Variants in TEX13D observed in about 807,000 individuals in gnomAD.
The protein encoded by TEX13D is testis-expressed protein 13D.
For missense variants in TEX13D, 261 were observed against 265.8 expected (o/e 0.98, Z 0.12); for synonymous variants, 115 against 104.5 (o/e 1.10, Z -0.61).
chrX:124,333,228 C>T lies in TEX13D; in HGVS notation c.311C>T (p.Ser104Phe). 4.3e-6 allele frequency: 2 copies of T among 468,034 alleles called. No homozygotes were observed. Among genetic ancestry groups the T allele is most frequent in the Non-Finnish European group, 7.5e-6 (2 of 266,590 alleles). 38.6% of individuals were successfully genotyped at this position (468,034 alleles called of 1,213,427 possible). A position where few individuals can be genotyped will look rare whatever the true frequency, so the allele number is the denominator to read the frequency against. The change falls in exon 1 of 1, where the codon TCC becomes TTC. Residue 104 changes from serine to phenylalanine, a missense_variant. Transcript: ENST00000632372. ...CATGCGGAGGAGCGCCAGGCGACCTCCTGGGCTCTAACGTCCCAGCTGCAG... is the reference window on the plus strand; with the variant it reads ...CATGCGGAGGAGCGCCAGGCGACCTTCTGGGCTCTAACGTCCCAGCTGCAG... The part of the protein sequence containing the change: ...QRHAEERQAT[S>F]WALTSQLQQL...
chrX:124,334,000 G>A lies in TEX13D; in HGVS notation c.1083G>A (p.Gly361=). The A allele has an allele frequency of 1.1e-6, 1 of 931,929 alleles. No individual in the cohort carries two copies. Among genetic ancestry groups the A allele is most frequent in the African/African-American group, 2.0e-5 (1 of 49,036 alleles). 76.8% of individuals were successfully genotyped at this position (931,929 alleles called of 1,213,427 possible). ...SQEEGTEGPQ[G]MDPLGNRERQ... ...AAGAAGGTACAGAAGGACCCCAGGGGATGGATCCCCTGGGGAACAGAGAGA... is the reference window on the plus strand; with the variant it reads ...AAGAAGGTACAGAAGGACCCCAGGGAATGGATCCCCTGGGGAACAGAGAGA... The change falls in exon 1 of 1, where the codon GGG becomes GGA. Residue 361 remains glycine (G), a synonymous_variant. Coordinates refer to ENST00000632372, the MANE Select transcript of TEX13D (RefSeq NM_001355534.2).
rs1156259410 is a variant in TEX13D at position 124,335,896 on chromosome X, G to A, written c.*834G>A. ...GAATTGAATTTTTCCACTGGGACAA[G>A]GAATTAACTTGGAAGAGTTTGGGGG... On this transcript the variant is annotated 3_prime_UTR_variant, in exon 1 of 1. Transcript: ENST00000632372. 2 of 112,472 alleles carry A rather than the reference G, an allele frequency of 1.8e-5. No homozygotes were observed. The allele number at this position is 112,472 out of a possible 1,213,427, so 9.3% of individuals were successfully genotyped here. A position where few individuals can be genotyped will look rare whatever the true frequency, so the allele number is the denominator to read the frequency against.
In TEX13D at chrX:124,333,146, C is replaced by T. The variant is rs1417233970; in HGVS notation, c.229C>T (p.Arg77Ter). ...CTWSALALSV[R>*]VATRQREELL... Reference sequence around the variant, plus strand: ...CTGGAGCGCTTTGGCTTTGAGCGTGCGAGTGGCCACGAGGCAGCGGGAGGA... The same window carrying T: ...CTGGAGCGCTTTGGCTTTGAGCGTGTGAGTGGCCACGAGGCAGCGGGAGGA... Residue 77 changes from arginine (R) to a stop codon, truncating the protein, a stop_gained, in exon 1 of 1, where the codon CGA becomes TGA. Transcript: ENST00000632372. LOFTEE classifies it low-confidence loss of function (END_TRUNC). 6.8e-6 allele frequency: 3 copies of T among 443,353 alleles called. No individual in the cohort carries two copies. The highest frequency in any genetic ancestry group is 8.1e-5 in the East Asian group (2 of 24,584). The allele number at this position is 443,353 out of a possible 1,213,427, so 36.5% of individuals were successfully genotyped here. A position where few individuals can be genotyped will look rare whatever the true frequency, so the allele number is the denominator to read the frequency against.
At position 124,333,321 on chromosome X, in the gene TEX13D, C is replaced by T. The variant is rs1028898295; in HGVS notation, c.404C>T (p.Ala135Val). Residue 135 changes from alanine (A) to valine (V), a missense_variant, in exon 1 of 1, where the codon GCG becomes GTG. Physicochemically the swap from Ala to Val is moderately conservative, Grantham distance 64. Transcript: ENST00000632372. ...CTCGCGCAGGCTGCCCTGCAGCAGG[C>T]GCTGAATGAGCGTGATGGGCTGTAC... ...LHLAQAALQQALNERDGLYGR... is the reference protein window; with the variant it reads ...LHLAQAALQQVLNERDGLYGR... 13 of 409,858 alleles carry T rather than the reference C, an allele frequency of 3.2e-5. No individual in the cohort carries two copies. Among genetic ancestry groups the T allele is most frequent in the South Asian group, 8.4e-5 (2 of 23,785 alleles). 33.8% of individuals were successfully genotyped at this position (409,858 alleles called of 1,213,427 possible).
Position 124,333,342 on chromosome X carries a change from T to C in TEX13D, c.425T>C (p.Leu142Pro), listed in dbSNP as rs2059965935. 2.7e-6 allele frequency: 1 copy of C among 373,546 alleles called. No individual in the cohort carries two copies. Among genetic ancestry groups the C allele is most frequent in the Non-Finnish European group, 4.6e-6 (1 of 218,163 alleles). The allele number at this position is 373,546 out of a possible 1,213,427, so 30.8% of individuals were successfully genotyped here. The change falls in exon 1 of 1, where the codon CTG becomes CCG. Residue 142 changes from leucine (L) to proline (P), a missense_variant. Leu to Pro is a moderately conservative substitution (Grantham distance 98, BLOSUM62 -3). Coordinates refer to ENST00000632372, the MANE Select transcript of TEX13D (RefSeq NM_001355534.2). ...LQQALNERDGLYGRLLQIERF... is the reference protein window; with the variant it reads ...LQQALNERDGPYGRLLQIERF... ...CAGGCGCTGAATGAGCGTGATGGGC[T>C]GTACGGGAGGCTGCTCCAGATCGAG...
At position 124,333,930 on chromosome X, in the gene TEX13D, C is replaced by T. The variant is rs990915069; in HGVS notation, c.1013C>T (p.Pro338Leu). The change falls in exon 1 of 1, where the codon CCC (proline) becomes CTC (leucine). Residue 338 changes from proline (P) to leucine (L), a missense_variant. Transcript: ENST00000632372. The part of the protein sequence containing the change: ...SGCHNPLSES[P>L]QGTAPLGSSG... ...TGCCACAACCCGCTGTCAGAGAGTCCCCAGGGGACAGCCCCACTGGGGAGC... is the reference window on the plus strand; with the variant it reads ...TGCCACAACCCGCTGTCAGAGAGTCTCCAGGGGACAGCCCCACTGGGGAGC... 1.5e-5 allele frequency: 9 copies of T among 615,177 alleles called. No individual in the cohort carries two copies. Among genetic ancestry groups the T allele is most frequent in the Non-Finnish European group, 1.7e-5 (8 of 463,748 alleles). The allele number at this position is 615,177 out of a possible 1,213,427, so 50.7% of individuals were successfully genotyped here. A position where few individuals can be genotyped will look rare whatever the true frequency, so the allele number is the denominator to read the frequency against.
rs1369497354 is a variant in TEX13D at position 124,333,891 on chromosome X, C to T, written c.974C>T (p.Pro325Leu). 3 of 348,637 alleles carry T rather than the reference C, an allele frequency of 8.6e-6. No homozygotes were observed. The highest frequency in any genetic ancestry group is 1.4e-5 in the Non-Finnish European group (3 of 220,076). The allele number at this position is 348,637 out of a possible 1,213,427, so 28.7% of individuals were successfully genotyped here. A position where few individuals can be genotyped will look rare whatever the true frequency, so the allele number is the denominator to read the frequency against. Residue 325 changes from proline (P) to leucine (L), a missense_variant, in exon 1 of 1, where the codon CCC (proline) becomes CTC (leucine). Coordinates refer to ENST00000632372, the MANE Select transcript of TEX13D (RefSeq NM_001355534.2). Reference sequence around the variant, plus strand: ...GAGAGGTCCCAAAGAATGCCCCTCCCCGGGGACAGTGGGTGCCACAACCCG... The same window carrying T: ...GAGAGGTCCCAAAGAATGCCCCTCCTCGGGGACAGTGGGTGCCACAACCCG... ...GSERSQRMPL[P>L]GDSGCHNPLS...
At position 124,333,139 on chromosome X, in the gene TEX13D, G is replaced by C; in HGVS notation, c.222G>C (p.Leu74Phe). Residue 74 changes from leucine to phenylalanine, a missense_variant, in exon 1 of 1, where the codon TTG (leucine) becomes TTC (phenylalanine). By Grantham distance (22) the Leu-to-Phe change is conservative. Coordinates refer to ENST00000632372, the MANE Select transcript of TEX13D (RefSeq NM_001355534.2). ...CCTGTACCTGGAGCGCTTTGGCTTT[G>C]AGCGTGCGAGTGGCCACGAGGCAGC... ...KRACTWSALA[L>F]SVRVATRQRE... The C allele has an allele frequency of 4.5e-6, 2 of 443,909 alleles. No homozygotes were observed. Among genetic ancestry groups the C allele is most frequent in the Non-Finnish European group, 7.8e-6 (2 of 254,937 alleles). The allele number at this position is 443,909 out of a possible 1,213,427, so 36.6% of individuals were successfully genotyped here.
rs1312067613 is a variant in TEX13D, at chrX:124,333,050, G to A, written c.133G>A (p.Glu45Lys). The A allele has an allele frequency of 1.0e-5, 5 of 483,041 alleles. No individual in the cohort carries two copies. The highest frequency in any genetic ancestry group is 9.4e-5 in the African/African-American group (4 of 42,403). The allele number at this position is 483,041 out of a possible 1,213,427, so 39.8% of individuals were successfully genotyped here. A position where few individuals can be genotyped will look rare whatever the true frequency, so the allele number is the denominator to read the frequency against. ...GGCCTTCCGCTCGCGGCCGTGGAACGAGGTAGAGGACAGCCTTCAGGCCAT... is the reference window on the plus strand; with the variant it reads ...GGCCTTCCGCTCGCGGCCGTGGAACAAGGTAGAGGACAGCCTTCAGGCCAT... Reference protein sequence around the residue: ...YVAFRSRPWNEVEDSLQAIVA... With the variant: ...YVAFRSRPWNKVEDSLQAIVA... Residue 45 changes from glutamate (E) to lysine (K), a missense_variant, in exon 1 of 1, where the codon GAG (glutamate) becomes AAG (lysine). Coordinates refer to ENST00000632372, the MANE Select transcript of TEX13D (RefSeq NM_001355534.2).
At position 124,334,892 on chromosome X, in the gene TEX13D, A is replaced by T. The variant is rs186137224; in HGVS notation, c.1975A>T (p.Lys659Ter). 77 of 938,074 alleles carry T rather than the reference A, an allele frequency of 8.2e-5. No homozygotes were observed. In the African/African-American group the frequency reaches 1.4e-3, roughly 18 times the overall value. 77.3% of individuals were successfully genotyped at this position (938,074 alleles called of 1,213,427 possible). A position where few individuals can be genotyped will look rare whatever the true frequency, so the allele number is the denominator to read the frequency against. Residue 659 changes from lysine (K) to a stop codon, truncating the protein, a stop_gained, in exon 1 of 1, where the codon AAA (lysine) becomes TAA (stop). Coordinates refer to ENST00000632372, the MANE Select transcript of TEX13D (RefSeq NM_001355534.2). LOFTEE classifies it low-confidence loss of function (END_TRUNC). ...QPQRQKAKKP[K>*]VNKVSGSQQQ... ...TCAGAGGCAGAAGGCCAAGAAACCA[A>T]AAGTGAATAAAGTCTCGGGATCCCA...
At position 124,333,285 on chromosome X, in the gene TEX13D, C is replaced by T; in HGVS notation, c.368C>T (p.Thr123Ile). 1 of 428,424 alleles carries T rather than the reference C, an allele frequency of 2.3e-6. No homozygotes were observed. The highest frequency in any genetic ancestry group is 4.0e-6 in the Non-Finnish European group (1 of 248,174). 35.3% of individuals were successfully genotyped at this position (428,424 alleles called of 1,213,427 possible). ...CGCCTGGAGCATGAGGTGGCGGCAA[C>T]ACAGCTGCACCTCGCGCAGGCTGCC... is the stretch of plus-strand genomic sequence containing the variant. ...QLRLEHEVAA[T>I]QLHLAQAALQ... The change falls in exon 1 of 1, where the codon ACA (threonine) becomes ATA (isoleucine). Residue 123 changes from threonine (T) to isoleucine (I), a missense_variant. Transcript: ENST00000632372.
chrX:124,333,976 A>T lies in TEX13D; in HGVS notation c.1059A>T (p.Glu353Asp). The T allele has an allele frequency of 1.1e-6, 1 of 870,971 alleles. No individual in the cohort carries two copies. Among genetic ancestry groups the T allele is most frequent in the Non-Finnish European group, 1.4e-6 (1 of 695,546 alleles). 71.8% of individuals were successfully genotyped at this position (870,971 alleles called of 1,213,427 possible). The change falls in exon 1 of 1, where the codon GAA (glutamate) becomes GAT (aspartate). Residue 353 changes from glutamate to aspartate, a missense_variant. Physicochemically the swap from Glu to Asp is conservative, Grantham distance 45 (BLOSUM62 2). Coordinates refer to ENST00000632372, the MANE Select transcript of TEX13D (RefSeq NM_001355534.2). ...PLGSSGCHSQEEGTEGPQGMD... is the reference protein window; with the variant it reads ...PLGSSGCHSQDEGTEGPQGMD... ...GGAGCAGCGGATGCCACTCCCAGGA[A>T]GAAGGTACAGAAGGACCCCAGGGGA...
rs1249603726 is a variant in TEX13D at position 124,336,835 on chromosome X, C to T, written c.*1773C>T. ...AACCTTTGTCAGGGGTTTTCTGATC[C>T]TAACTAGTAATAAAGAGTGTGCACT... On this transcript the variant is annotated 3_prime_UTR_variant, in exon 1 of 1. Transcript: ENST00000632372. The T allele has an allele frequency of 4.5e-5, 5 of 111,836 alleles. No individual in the cohort carries two copies. The highest frequency in any genetic ancestry group is 1.6e-4 in the African/African-American group (5 of 30,770). 9.2% of individuals were successfully genotyped at this position (111,836 alleles called of 1,213,427 possible).
At position 124,334,786 on chromosome X, in the gene TEX13D, A is replaced by C; in HGVS notation, c.1869A>C (p.Glu623Asp). ...TTAGCAGGAGCTGCAAACCAGAAGA[A>C]GGTCCAGAGAGGCCCCAGGGCACTC... Reference protein sequence around the residue: ...LVFSRSCKPEEGPERPQGTPL... With the variant: ...LVFSRSCKPEDGPERPQGTPL... The change falls in exon 1 of 1, where the codon GAA becomes GAC. Residue 623 changes from glutamate to aspartate, a missense_variant. Transcript: ENST00000632372. 5 of 938,627 alleles carry C rather than the reference A, an allele frequency of 5.3e-6. No homozygotes were observed. The highest frequency in any genetic ancestry group is 6.6e-6 in the Non-Finnish European group (5 of 756,332). 77.4% of individuals were successfully genotyped at this position (938,627 alleles called of 1,213,427 possible).
chrX:124,334,136 G>A lies in TEX13D; in HGVS notation c.1219G>A (p.Gly407Arg). Residue 407 changes from glycine (G) to arginine (R), a missense_variant, in exon 1 of 1, where the codon GGA becomes AGA. Transcript: ENST00000632372. ...GGGGCCCCAGGGGACGGTCCCCCAG[G>A]GAGACAGCAGAAGCTACAGCCAGGA... Reference protein sequence around the residue: ...PEGPQGTVPQGDSRSYSQEGC... With the variant: ...PEGPQGTVPQRDSRSYSQEGC... 1.1e-6 allele frequency: 1 copy of A among 937,539 alleles called. No homozygotes were observed. Among genetic ancestry groups the A allele is most frequent in the South Asian group, 5.9e-5 (1 of 16,977 alleles). 77.3% of individuals were successfully genotyped at this position (937,539 alleles called of 1,213,427 possible).
chrX:124,333,985 A>G lies in TEX13D; in HGVS notation c.1068A>G (p.Thr356=), dbSNP rs1437586109. The change falls in exon 1 of 1, where the codon ACA becomes ACG. Residue 356 remains threonine (T), a synonymous_variant. Coordinates refer to ENST00000632372, the MANE Select transcript of TEX13D (RefSeq NM_001355534.2). ...GATGCCACTCCCAGGAAGAAGGTAC[A>G]GAAGGACCCCAGGGGATGGATCCCC... The part of the protein sequence containing the change: ...SSGCHSQEEG[T]EGPQGMDPLG... The G allele has an allele frequency of 7.7e-6, 7 of 908,068 alleles. No individual in the cohort carries two copies. Among genetic ancestry groups the G allele is most frequent in the Non-Finnish European group, 9.6e-6 (7 of 730,910 alleles). 74.8% of individuals were successfully genotyped at this position (908,068 alleles called of 1,213,427 possible).
chrX:124,335,132 A>C lies in TEX13D; in HGVS notation c.*70A>C, dbSNP rs1244109109. ...AATTTCCTAAGACCCTCTTCTGATT[A>C]AAGTATAACTTATTTACTTCACAGA... is the stretch of plus-strand genomic sequence containing the variant. On this transcript the variant is annotated 3_prime_UTR_variant, in exon 1 of 1. Transcript: ENST00000632372. The C allele has an allele frequency of 1.3e-6, 1 of 740,889 alleles. No homozygotes were observed. Among genetic ancestry groups the C allele is most frequent in the Non-Finnish European group, 1.7e-6 (1 of 577,370 alleles). The allele number at this position is 740,889 out of a possible 1,213,427, so 61.1% of individuals were successfully genotyped here. A position where few individuals can be genotyped will look rare whatever the true frequency, so the allele number is the denominator to read the frequency against.
At position 124,333,292 on chromosome X, in the gene TEX13D, G is replaced by A; in HGVS notation, c.375G>A (p.Leu125=). The A allele has an allele frequency of 4.7e-6, 2 of 424,146 alleles. No homozygotes were observed. Among genetic ancestry groups the A allele is most frequent in the Non-Finnish European group, 8.1e-6 (2 of 245,957 alleles). 35.0% of individuals were successfully genotyped at this position (424,146 alleles called of 1,213,427 possible). A position where few individuals can be genotyped will look rare whatever the true frequency, so the allele number is the denominator to read the frequency against. Residue 125 remains leucine, a synonymous_variant, in exon 1 of 1, where the codon CTG becomes CTA. Transcript: ENST00000632372. ...AGCATGAGGTGGCGGCAACACAGCT[G>A]CACCTCGCGCAGGCTGCCCTGCAGC... is the stretch of plus-strand genomic sequence containing the variant. ...RLEHEVAATQ[L]HLAQAALQQA... is the part of the protein sequence containing the mutation.
Position 124,335,985 on chromosome X carries a change from A to G in TEX13D, c.*923A>G. On this transcript the variant is annotated 3_prime_UTR_variant, in exon 1 of 1. Transcript: ENST00000632372. ...ATTTCGTTTAGTTTGTTAAATAGTT[A>G]TTGTCTAATATGTGTTAGGAGCTAG... 1 of 112,088 alleles carries G rather than the reference A, an allele frequency of 8.9e-6. No individual in the cohort carries two copies. Among genetic ancestry groups the G allele is most frequent in the Non-Finnish European group, 1.9e-5 (1 of 53,261 alleles). The allele number at this position is 112,088 out of a possible 1,213,427, so 9.2% of individuals were successfully genotyped here.
Sources: gnomAD v4.1 joint callset for allele counts on GRCh38, gnomAD v4.1.1 for gene constraint, MANE v1.5 for transcripts, NCBI Gene and HGNC (gene_info 2026-07-23, HGNC 2026-07-21) for gene names.